The following FAM199X variants were observed in gnomAD, a reference collection of about 807,000 sequenced individuals.
FAM199X encodes the protein protein FAM199X.
FAM199X carries 4 observed loss-of-function variants against 22.9 expected under a neutral mutation model. That is an observed-to-expected ratio of 0.17 (90% CI 0.09 to 0.40). The LOEUF (loss-of-function observed/expected upper bound fraction) is 0.40. Ranked by LOEUF, FAM199X falls within the 10% of genes least tolerant of loss-of-function variation. The probability of loss-of-function intolerance (pLI) is 1.00; values close to 1 mark genes in which losing one functional copy is unlikely to be tolerated. For synonymous variants in FAM199X, 101 were observed against 112.3 expected, an observed-to-expected ratio of 0.90 and a Z score of 0.64; for missense variants, 183 against 306.8, an observed-to-expected ratio of 0.60 and a Z score of 3.01.
upstream of FAM199X, among the ~76,000 whole-genome samples, chrX:104,162,483 C>T (rs1190826916): frequency 8.9e-5 from 10 of 111,872 alleles, no homozygotes; most frequent in Non-Finnish European, 1.9e-4. Flanking sequence ...ACCACAGAAA[C>T]GATCCATAAT....
At chrX:104,167,084 A>G in intron 1 of FAM199X, 102 bp downstream of exon 1, 1 of 648,680 alleles carries the variant, frequency 1.5e-6, no homozygotes, top group Non-Finnish European at 2.0e-6. Context: ...CCCCTCCCCC[A>G]CCTGCTTTCG....
chrX:104,178,331 T>C (rs142691982), intron 2 of FAM199X, among the ~76,000 whole-genome samples: 4,223 of 110,814 alleles, frequency 0.038, 176 homozygotes, highest in African/African-American at 0.13. Context: ...CAAACCCGGC[T>C]AATTTTTGTA....
chrX:104,167,100 C>T (rs1921223614), intron 1 of FAM199X, 118 bp downstream of exon 1: 4 of 620,407 alleles, frequency 6.4e-6, no homozygotes, highest in Non-Finnish European at 9.2e-6. Context: ...TTTCGACCAG[C>T]GCTCATTCCC....
upstream of FAM199X, among the ~76,000 whole-genome samples, chrX:104,165,648 A>G (rs1456073112): frequency 1.8e-5 from 2 of 111,261 alleles, no homozygotes; most frequent in Non-Finnish European, 3.8e-5. Context: ...ATTTTTTTTT[A>G]ATCTTACGCA....
chrX:104,158,791 T>G, the FAM199X span, among the ~76,000 whole-genome samples: 1 of 111,797 alleles, frequency 8.9e-6, no homozygotes, highest in Non-Finnish European at 1.9e-5. Context: ...AAGGAGAAGG[T>G]AAATCACCAG....
chrX:104,188,509 A>G (rs1921857954), intron 5 of FAM199X, among the ~76,000 whole-genome samples: 1 of 111,415 alleles, frequency 9.0e-6, no homozygotes, highest in Non-Finnish European at 1.9e-5. Flanking sequence ...CCACAACCAT[A>G]TTGCATTCAA....
intron 2 of FAM199X, among the ~76,000 whole-genome samples, chrX:104,185,057 TGA>T (rs1556378769): frequency 9.6e-6 from 1 of 103,714 alleles, no homozygotes; most frequent in Non-Finnish European, 2.0e-5. Flanking sequence ...ATTACAGGCA[TGA>T]TAATTTTTTT....
rs1921927553 is a variant in FAM199X, at chrX:104,191,093, G to T, written c.*1315G>T. 1 of 111,714 alleles carries T rather than the reference G, an allele frequency of 9.0e-6. No individual in the cohort carries two copies. Among genetic ancestry groups the T allele is most frequent in the Admixed American group, 9.5e-5 (1 of 10,514 alleles). The allele number at this position is 111,714 out of a possible 1,213,427, so 9.2% of individuals were successfully genotyped here. A position where few individuals can be genotyped will look rare whatever the true frequency, so the allele number is the denominator to read the frequency against. On this transcript the variant is annotated 3_prime_UTR_variant, in exon 6 of 6. Coordinates refer to ENST00000493442, the MANE Select transcript of FAM199X (RefSeq NM_207318.4). ...TTTATATTGTGGATAGCATTTTGAAGGTGACCGTGATTCTGTAGGAAGAGC... is the reference window on the plus strand; with the variant it reads ...TTTATATTGTGGATAGCATTTTGAATGTGACCGTGATTCTGTAGGAAGAGC...
intron 1 of FAM199X, among the ~76,000 whole-genome samples, chrX:104,173,566 A>G (rs1331726383): frequency 8.9e-6 from 1 of 111,905 alleles, no homozygotes; most frequent in African/African-American, 3.2e-5. Flanking sequence ...GTAATTTAAG[A>G]AACAGTAGAT....
At position 104,195,294 on chromosome X, in the gene FAM199X, CAGAATATTTACCA is replaced by C. The variant is rs1218579241; in HGVS notation, c.*5518_*5530del. 1 of 111,606 alleles carries C rather than the reference CAGAATATTTACCA, an allele frequency of 9.0e-6. No individual in the cohort carries two copies. Among genetic ancestry groups the C allele is most frequent in the Non-Finnish European group, 1.9e-5 (1 of 53,052 alleles). The allele number at this position is 111,606 out of a possible 1,213,427, so 9.2% of individuals were successfully genotyped here. A position where few individuals can be genotyped will look rare whatever the true frequency, so the allele number is the denominator to read the frequency against. On this transcript the variant is annotated 3_prime_UTR_variant, in exon 6 of 6. Coordinates refer to ENST00000493442, the MANE Select transcript of FAM199X (RefSeq NM_207318.4). ...AGTCAGCTCCTTTCATGCTCTATCC[CAGAATATTTACCA>C]ACAGAGGAGAACTGCTCCCTTTTCT... is the stretch of plus-strand genomic sequence containing the variant.
chrX:104,179,096 C>G (rs1479844575), intron 2 of FAM199X, among the ~76,000 whole-genome samples: 2 of 111,956 alleles, frequency 1.8e-5, no homozygotes, highest in East Asian at 2.8e-4. Context: ...CGCCATTGCA[C>G]TCTAGTCTGG....
chrX:104,158,824 A>G, the FAM199X span, among the ~76,000 whole-genome samples: 1 of 111,655 alleles, frequency 9.0e-6, no homozygotes, highest in Non-Finnish European at 1.9e-5. Context: ...TAAATGAAGC[A>G]CTGCCTTGTC....
chrX:104,167,123 T>C, intron 1 of FAM199X, 141 bp downstream of exon 1: 1 of 427,196 alleles, frequency 2.3e-6, no homozygotes, highest in Non-Finnish European at 3.4e-6. Flanking sequence ...CCTCCTTCCC[T>C]GCCCCCCCTC....
chrX:104,161,929 A>C (rs1921053513), upstream of FAM199X, among the ~76,000 whole-genome samples: 1 of 112,177 alleles, frequency 8.9e-6, no homozygotes, highest in Admixed American at 9.4e-5. Context: ...ATTTCTCAAA[A>C]ATTTTTTTGC....
rs1442022564 is a variant in FAM199X, at chrX:104,194,649, C to T, written c.*4871C>T. On this transcript the variant is annotated 3_prime_UTR_variant, in exon 6 of 6. Coordinates refer to ENST00000493442, the MANE Select transcript of FAM199X (RefSeq NM_207318.4). ...TTAACAAGTATTATCTATTCTGAAC[C>T]TTTGTGTTGGGAATTTAAGGACTAT... is the stretch of plus-strand genomic sequence containing the variant. 1 of 111,946 alleles carries T rather than the reference C, an allele frequency of 8.9e-6. No individual in the cohort carries two copies. Among genetic ancestry groups the T allele is most frequent in the Non-Finnish European group, 1.9e-5 (1 of 53,064 alleles). The allele number at this position is 111,946 out of a possible 1,213,427, so 9.2% of individuals were successfully genotyped here.
intron 4 of FAM199X, among the ~76,000 whole-genome samples, chrX:104,187,238 C>T (rs1178620296): frequency 2.7e-5 from 3 of 110,236 alleles, no homozygotes; most frequent in East Asian, 2.9e-4. Flanking sequence ...CACCTGCCAA[C>T]GCACCCGGCT....
chrX:104,180,478 A>T (rs2147894159), intron 2 of FAM199X, among the ~76,000 whole-genome samples: 1 of 110,558 alleles, frequency 9.0e-6, no homozygotes, highest in South Asian at 3.9e-4. Flanking sequence ...TTAAATTTTA[A>T]TTGCTGGCTT....
chrX:104,182,669 A>G (rs1369025020), intron 2 of FAM199X, among the ~76,000 whole-genome samples: 8 of 111,508 alleles, frequency 7.2e-5, no homozygotes, highest in African/African-American at 2.6e-4. Context: ...CCTTACCTGA[A>G]TGTCTTTTCC....
upstream of FAM199X, among the ~76,000 whole-genome samples, chrX:104,166,000 G>A (rs990708198): frequency 8.9e-6 from 1 of 111,998 alleles, no homozygotes; most frequent in Non-Finnish European, 1.9e-5. Flanking sequence ...CTGCAGCGTA[G>A]GGTTCTTGGA....
Sources: allele counts gnomAD v4.1 joint callset (sites outside exome capture counted in the v4.1 genomes callset), GRCh38; gene constraint gnomAD v4.1.1; transcripts MANE v1.5; gene names NCBI Gene and HGNC (gene_info 2026-07-23, HGNC 2026-07-21).